The following BCAT1 variants were observed in gnomAD, a reference collection of about 807,000 sequenced individuals.
BCAT1 encodes the protein branched chain amino acid transaminase 1.
In BCAT1, 48 loss-of-function variants were observed where a neutral mutation model predicts 52.4. That is an observed-to-expected ratio of 0.92 (90% CI 0.73 to 1.16). BCAT1 has a LOEUF of 1.16. BCAT1 is among the 50% of genes most tolerant of loss of function. The pLI is 0.00. For missense variants in BCAT1, 451 were observed against 457.1 expected, an observed-to-expected ratio of 0.99 and a Z score of 0.12; for synonymous variants, 167 against 161.3, an observed-to-expected ratio of 1.04 and a Z score of -0.27.
intron 1 of BCAT1, chr12:24,945,710 G>A (rs537100591): frequency 1.3e-5 from 2 of 152,310 alleles, no homozygotes; most frequent in Admixed American, 1.3e-4. Flanking sequence ...GGTAATCCCA[G>A]CTTCTCAGGA....
chr12:24,910,879 C>T (rs925629332), intron 1 of BCAT1, among the ~76,000 whole-genome samples: 1 of 152,010 alleles, frequency 6.6e-6, no homozygotes, highest in South Asian at 2.1e-4. Flanking sequence ...CCAAGGCGGC[C>T]GATCACCTGA....
At chr12:24,894,690 T>C (rs887234255) in intron 2 of BCAT1, among the ~76,000 whole-genome samples, 5 of 152,232 alleles carry the variant, frequency 3.3e-5, no homozygotes, top group African/African-American at 4.8e-5. Flanking sequence ...TAATAGAATA[T>C]CAGAACCAAA....
chr12:24,927,094 T>C (rs1943601252), intron 1 of BCAT1, among the ~76,000 whole-genome samples: 1 of 152,226 alleles, frequency 6.6e-6, no homozygotes, highest in South Asian at 2.1e-4. Context: ...CTGATTAAGA[T>C]TTGTATTTGA....
chr12:24,828,061 A>T (rs1241031604), intron 10 of BCAT1, among the ~76,000 whole-genome samples: 1 of 152,044 alleles, frequency 6.6e-6, no homozygotes, highest in Non-Finnish European at 1.5e-5. Context: ...CAGAAATGCC[A>T]TTTTTATCAC....
intron 6 of BCAT1, among the ~76,000 whole-genome samples, chr12:24,844,894 C>CAAAAAGAAAAAAAAAA (rs1941294067): frequency 2.8e-5 from 1 of 36,002 alleles, no homozygotes; most frequent in Non-Finnish European, 5.1e-5. Context: ...GAGACTGTCT[C>CAAAAAGAAAAAAAAAA]AAAAAAAAAA....
chr12:24,829,779 A>AG, intron 10 of BCAT1, 44 bp downstream of exon 10: 3 of 1,259,834 alleles, frequency 2.4e-6, no homozygotes, highest in Non-Finnish European at 3.3e-6. Context: ...ACATAAAAAA[A>AG]AGAAAAGAAA....
chr12:24,902,211 A>C, intron 1 of BCAT1: 1 of 1,423,210 alleles, frequency 7.0e-7, no homozygotes, highest in Non-Finnish European at 9.1e-7. Context: ...TCTCCCTTAT[A>C]TCCGAGCAAA....
At chr12:24,882,334 T>C (rs1942527702) in intron 3 of BCAT1, among the ~76,000 whole-genome samples, 1 of 151,960 alleles carries the variant, frequency 6.6e-6, no homozygotes, top group African/African-American at 2.4e-5. Context: ...TAAGTTAAAC[T>C]GAACGATAAT....
intron 1 of BCAT1, among the ~76,000 whole-genome samples, chr12:24,945,228 G>T (rs1389047940): frequency 6.6e-6 from 1 of 152,110 alleles, no homozygotes; most frequent in Admixed American, 6.5e-5. Flanking sequence ...CACTGACAAG[G>T]TCTTATGATG....
intron 6 of BCAT1, 43 bp downstream of exon 6, chr12:24,849,743 A>T: frequency 6.4e-7 from 1 of 1,567,378 alleles, no homozygotes; most frequent in Non-Finnish European, 8.7e-7. Flanking sequence ...CTAAATGGTC[A>T]TGAAGGTGTC....
intron 1 of BCAT1, among the ~76,000 whole-genome samples, chr12:24,909,407 C>T (rs1452982760): frequency 6.6e-6 from 1 of 152,150 alleles, no homozygotes; most frequent in Non-Finnish European, 1.5e-5. Context: ...TCCCATTCAA[C>T]GAAGTAAAAT....
intron 5 of BCAT1, among the ~76,000 whole-genome samples, chr12:24,865,311 T>C (rs369549488): frequency 1.3e-5 from 2 of 152,242 alleles, no homozygotes; most frequent in Non-Finnish European, 2.9e-5. Context: ...TCCATCTTAG[T>C]AACTGATTAC....
chr12:24,825,944 G>T (rs1334514043), intron 10 of BCAT1, among the ~76,000 whole-genome samples: 1 of 152,158 alleles, frequency 6.6e-6, no homozygotes, highest in African/African-American at 2.4e-5. Context: ...AGGGACAGTG[G>T]CTTATGCTAG....
chr12:24,904,782 G>A (rs1943200831), intron 1 of BCAT1: 1 of 152,190 alleles, frequency 6.6e-6, no homozygotes, highest in African/African-American at 2.4e-5. Flanking sequence ...GCTGGGGGAG[G>A]GTTGAGAGCA....
At chr12:24,855,865 T>C (rs1941663538) in intron 5 of BCAT1, among the ~76,000 whole-genome samples, 1 of 152,032 alleles carries the variant, frequency 6.6e-6, no homozygotes, top group Non-Finnish European at 1.5e-5. Flanking sequence ...TGGCCTCAAG[T>C]TACCCTCCTT....
rs1940733982 is a variant in BCAT1 at position 24,832,778 on chromosome 12, C to G, written c.989G>C (p.Gly330Ala). ...LEGNRVREMF[G>A]SGTACVVCPV... ...GCAAACAACACAGGCTGTACCAGAG[C>G]CAAACATCTCTCTCACTCTGTTCCC... is the stretch of plus-strand genomic sequence containing the variant. The change falls in exon 9 of 11, where the codon GGC becomes GCC. Residue 330 changes from glycine to alanine, a missense_variant. By Grantham distance (60) the Gly-to-Ala change is moderately conservative. Transcript: ENST00000261192. The G allele has an allele frequency of 1.9e-6, 3 of 1,611,640 alleles. No homozygotes were observed. The highest frequency in any genetic ancestry group is 1.1e-5 in the South Asian group (1 of 90,372).
At chr12:24,826,402 C>T (rs191709132) in intron 10 of BCAT1, among the ~76,000 whole-genome samples, 7 of 152,240 alleles carry the variant, frequency 4.6e-5, no homozygotes, top group Non-Finnish European at 8.8e-5. Flanking sequence ...CTGTCTTCCC[C>T]GTTACAGTTC....
At chr12:24,829,273 A>G (rs1940544911) in intron 10 of BCAT1, among the ~76,000 whole-genome samples, 1 of 151,976 alleles carries the variant, frequency 6.6e-6, no homozygotes, top group African/African-American at 2.4e-5. Context: ...AATCCCAGCT[A>G]CTCGGGAGGC....
chr12:24,861,418 G>A (rs1354238606), intron 5 of BCAT1, among the ~76,000 whole-genome samples: 6 of 152,196 alleles, frequency 3.9e-5, no homozygotes, highest in Non-Finnish European at 8.8e-5. Flanking sequence ...TACTCTTTGT[G>A]TAGCAATGCA....
Sources: allele counts gnomAD v4.1 joint callset (sites outside exome capture counted in the v4.1 genomes callset), GRCh38; gene constraint gnomAD v4.1.1; transcripts MANE v1.5; gene names NCBI Gene and HGNC (gene_info 2026-07-23, HGNC 2026-07-21).